Variants in CENPW observed in about 807,000 individuals in gnomAD.
CENPW encodes the protein cancer-up-regulated gene 2 protein.
A neutral mutation model predicts 11.1 loss-of-function variants in CENPW; 3 were observed. That is an observed-to-expected ratio of 0.27 (90% CI 0.12 to 0.70). The LOEUF (loss-of-function observed/expected upper bound fraction) is 0.70. Ranked by LOEUF, CENPW falls within the 30% of genes least tolerant of loss-of-function variation. CENPW has a pLI of 0.77. For synonymous variants in CENPW, 38 were observed against 42.0 expected, an observed-to-expected ratio of 0.91 and a Z score of 0.37; for missense variants, 100 against 105.6, an observed-to-expected ratio of 0.95 and a Z score of 0.23.
the CENPW span, among the ~76,000 whole-genome samples, chr6:126,441,065 A>G: frequency 6.6e-6 from 1 of 151,450 alleles, no homozygotes; most frequent in Non-Finnish European, 1.5e-5. Flanking sequence ...AGATTCTGCT[A>G]ATGTTCTACA....
At chr6:126,421,568 T>C in the CENPW span, among the ~76,000 whole-genome samples, 22 of 144,962 alleles carry the variant, frequency 1.5e-4, no homozygotes, top group African/African-American at 4.2e-4. Flanking sequence ...AAATAGCACC[T>C]TTTCTAACAC....
chr6:126,439,457 G>C, the CENPW span, among the ~76,000 whole-genome samples: 2 of 151,552 alleles, frequency 1.3e-5, no homozygotes, highest in Non-Finnish European at 3.0e-5. Context: ...GAAAACTTTG[G>C]CCTATCAGAC....
At chr6:126,404,087 G>A in the CENPW span, among the ~76,000 whole-genome samples, 2 of 152,072 alleles carry the variant, frequency 1.3e-5, no homozygotes, top group Non-Finnish European at 2.9e-5. Flanking sequence ...TGACACATCT[G>A]TTGACAGCAT....
the CENPW span, among the ~76,000 whole-genome samples, chr6:126,448,004 A>G: frequency 6.6e-6 from 1 of 151,144 alleles, no homozygotes; most frequent in South Asian, 2.1e-4. Context: ...TAGCCAGGTG[A>G]GTCTCTATTG....
the CENPW span, among the ~76,000 whole-genome samples, chr6:126,472,175 T>G: frequency 6.6e-6 from 1 of 152,202 alleles, no homozygotes; most frequent in Non-Finnish European, 1.5e-5. Context: ...TTGGCTTACA[T>G]GAAATTGCAT....
chr6:126,354,642 C>T, the CENPW span, among the ~76,000 whole-genome samples: 1 of 152,058 alleles, frequency 6.6e-6, no homozygotes, highest in Admixed American at 6.6e-5. Flanking sequence ...GTCTCAACCT[C>T]CATTTGCCTA....
At chr6:126,387,217 T>C in the CENPW span, among the ~76,000 whole-genome samples, 1 of 151,970 alleles carries the variant, frequency 6.6e-6, no homozygotes, top group African/African-American at 2.4e-5. Flanking sequence ...GTTATTATAA[T>C]CTTTTTTTGG....
the CENPW span, among the ~76,000 whole-genome samples, chr6:126,375,201 TA>T: frequency 6.6e-6 from 1 of 152,068 alleles, no homozygotes; most frequent in Admixed American, 6.6e-5. Flanking sequence ...GAAGAGAAAA[TA>T]AACCCAGTGT....
the CENPW span, among the ~76,000 whole-genome samples, chr6:126,382,763 C>T: frequency 6.6e-6 from 1 of 151,986 alleles, no homozygotes; most frequent in African/African-American, 2.4e-5. Context: ...ATGAATGAAA[C>T]CTCCAAGAAG....
chr6:126,361,888 A>G, the CENPW span, among the ~76,000 whole-genome samples: 3 of 152,254 alleles, frequency 2.0e-5, no homozygotes, highest in Admixed American at 6.5e-5. Context: ...GCCGGCCACA[A>G]CTTTCAGCTC....
chr6:126,386,658 G>GC, the CENPW span, among the ~76,000 whole-genome samples: 1 of 151,438 alleles, frequency 6.6e-6, no homozygotes, highest in Non-Finnish European at 1.5e-5. Context: ...AAACTGACCA[G>GC]CTGCTTTGCT....
chr6:126,392,536 C>A, the CENPW span, among the ~76,000 whole-genome samples: 1 of 151,824 alleles, frequency 6.6e-6, no homozygotes, highest in African/African-American at 2.4e-5. Context: ...TTTTATCAAA[C>A]ACTTTTTCAG....
At chr6:126,415,066 T>C in the CENPW span, among the ~76,000 whole-genome samples, 1 of 152,038 alleles carries the variant, frequency 6.6e-6, no homozygotes, top group African/African-American at 2.4e-5. Flanking sequence ...ACTGAACAGA[T>C]CAATAAGAAT....
the CENPW span, among the ~76,000 whole-genome samples, chr6:126,409,426 G>A: frequency 6.6e-6 from 1 of 152,058 alleles, no homozygotes; most frequent in East Asian, 1.9e-4. Flanking sequence ...CTTTGTAAAT[G>A]TCTGTTAGGT....
chr6:126,383,940 G>C, the CENPW span, among the ~76,000 whole-genome samples: 37 of 152,048 alleles, frequency 2.4e-4, 1 homozygote, highest in South Asian at 6.6e-3. Context: ...CAGAGCAACA[G>C]AATATAGATT....
the CENPW span, among the ~76,000 whole-genome samples, chr6:126,387,040 TAGAG>T: frequency 3.3e-5 from 5 of 152,038 alleles, no homozygotes; most frequent in South Asian, 8.3e-4. Flanking sequence ...GAAACTAAGT[TAGAG>T]AGTTAACTGA....
the CENPW span, among the ~76,000 whole-genome samples, chr6:126,414,883 ACT>A: frequency 6.6e-6 from 1 of 152,112 alleles, no homozygotes; most frequent in East Asian, 1.9e-4. Context: ...AAAAAAGAAG[ACT>A]CACACAAATA....
At chr6:126,356,599 C>G in the CENPW span, among the ~76,000 whole-genome samples, 1 of 152,056 alleles carries the variant, frequency 6.6e-6, no homozygotes, top group African/African-American at 2.4e-5. Context: ...TTGCCAGCAT[C>G]TATTATTTGA....
the CENPW span, among the ~76,000 whole-genome samples, chr6:126,441,453 A>T: frequency 6.4e-4 from 94 of 146,216 alleles, no homozygotes; most frequent in South Asian, 9.8e-3. Flanking sequence ...TGGATTACTT[A>T]AAAAAAAAAG....
Sources: gnomAD v4.1 joint callset for allele counts (sites outside exome capture counted in the v4.1 genomes callset) on GRCh38, gnomAD v4.1.1 for gene constraint, MANE v1.5 for transcripts, NCBI Gene and HGNC (gene_info 2026-07-23, HGNC 2026-07-21) for gene names.